The following FAM117B variants were observed in gnomAD, a reference collection of about 807,000 sequenced individuals.
FAM117B encodes the protein family with sequence similarity 117 member B.
In FAM117B, 22 loss-of-function variants were observed where a neutral mutation model predicts 52.8. That is an observed-to-expected ratio of 0.42 (90% CI 0.30 to 0.59). The LOEUF (loss-of-function observed/expected upper bound fraction) is 0.59. Ranked by LOEUF, FAM117B falls within the 20% of genes least tolerant of loss-of-function variation. The probability of loss-of-function intolerance (pLI) is 0.22; values close to 1 mark genes in which losing one functional copy is unlikely to be tolerated. For synonymous variants in FAM117B, 309 were observed against 324.1 expected, an observed-to-expected ratio of 0.95 and a Z score of 0.50; for missense variants, 678 against 802.6, an observed-to-expected ratio of 0.84 and a Z score of 1.88.
chr2:202,733,639 C>G (rs1691393267), intron 4 of FAM117B, among the ~76,000 whole-genome samples: 1 of 152,188 alleles, frequency 6.6e-6, no homozygotes. Flanking sequence ...AAAAATATGG[C>G]TCTATTCTGC....
chr2:202,756,153 A>G (rs1271690341), intron 5 of FAM117B, among the ~76,000 whole-genome samples: 3 of 152,282 alleles, frequency 2.0e-5, no homozygotes, highest in South Asian at 4.1e-4. Flanking sequence ...ACAGTGGCTC[A>G]CACCTGTAAT....
intron 2 of FAM117B, 31 bp downstream of exon 2, chr2:202,696,063 G>A (rs1443953568): frequency 1.3e-6 from 2 of 1,599,968 alleles, no homozygotes; most frequent in Admixed American, 1.7e-5. Flanking sequence ...ATCCTGAAGT[G>A]TTTTTCTCTG....
intron 1 of FAM117B, among the ~76,000 whole-genome samples, chr2:202,640,143 C>T (rs1271776783): frequency 1.3e-5 from 2 of 150,534 alleles, no homozygotes; most frequent in Admixed American, 6.6e-5. Flanking sequence ...TGGTGGCAGG[C>T]GCCTATAATC....
chr2:202,671,473 C>G (rs1336326048), intron 1 of FAM117B, among the ~76,000 whole-genome samples: 3 of 152,206 alleles, frequency 2.0e-5, no homozygotes, highest in Non-Finnish European at 2.9e-5. Context: ...CTCCCAGGCT[C>G]TCTTGCTTGT....
At chr2:202,734,643 G>A (rs180825416) in intron 4 of FAM117B, among the ~76,000 whole-genome samples, 1 of 152,176 alleles carries the variant, frequency 6.6e-6, no homozygotes, top group Non-Finnish European at 1.5e-5. Context: ...AAGTTCCTCA[G>A]TTTCTCTGCA....
At chr2:202,716,214 G>GTTTCCAT (rs1345210257) in intron 2 of FAM117B, among the ~76,000 whole-genome samples, 3 of 151,626 alleles carry the variant, frequency 2.0e-5, no homozygotes, top group Non-Finnish European at 4.4e-5. Flanking sequence ...CTCTTTTTTG[G>GTTTCCAT]TTTCCATTTG....
At chr2:202,709,820 G>A (rs534093559) in intron 2 of FAM117B, among the ~76,000 whole-genome samples, 10 of 152,174 alleles carry the variant, frequency 6.6e-5, no homozygotes, top group African/African-American at 1.9e-4. Context: ...GTTGATTTTT[G>A]TATGGGGTAA....
At chr2:202,736,840 T>C (rs964054963) in intron 4 of FAM117B, among the ~76,000 whole-genome samples, 1 of 152,184 alleles carries the variant, frequency 6.6e-6, no homozygotes, top group African/African-American at 2.4e-5. Context: ...CTCATTTTTC[T>C]CTCATGAAAC....
chr2:202,643,967 C>T (rs1338554254), intron 1 of FAM117B, among the ~76,000 whole-genome samples: 4 of 151,736 alleles, frequency 2.6e-5, no homozygotes, highest in Non-Finnish European at 5.9e-5. Flanking sequence ...GCCTTGGCCT[C>T]CCAAAATGCT....
intron 1 of FAM117B, among the ~76,000 whole-genome samples, chr2:202,648,312 C>G (rs1477376040): frequency 1.3e-5 from 2 of 151,238 alleles, no homozygotes; most frequent in Non-Finnish European, 3.0e-5. Flanking sequence ...AAGTTCGAGA[C>G]CAGCCTGGGC....
chr2:202,759,243 C>A lies in FAM117B; in HGVS notation c.1341C>A (p.Asn447Lys), dbSNP rs763916081. 6.2e-7 allele frequency: 1 copy of A among 1,613,938 alleles called. No individual in the cohort carries two copies. The highest frequency in any genetic ancestry group is 8.5e-7 in the Non-Finnish European group (1 of 1,179,958). ...LVDPRDKENGNNSPLPKYATS... is the reference protein window; with the variant it reads ...LVDPRDKENGKNSPLPKYATS... ...TGTCATTTCTTGCAGAGAATGGGAA[C>A]AATTCTCCTTTGCCCAAATATGCAA... The change falls in exon 7 of 8, where the codon AAC becomes AAA. Residue 447 changes from asparagine to lysine, a missense_variant. Coordinates refer to ENST00000392238, the MANE Select transcript of FAM117B (RefSeq NM_173511.4).
chr2:202,661,160 C>T (rs1690122329), intron 1 of FAM117B, among the ~76,000 whole-genome samples: 1 of 152,182 alleles, frequency 6.6e-6, no homozygotes, highest in Non-Finnish European at 1.5e-5. Context: ...GTTCCCAAAT[C>T]TAGCTGCCAT....
intron 1 of FAM117B, among the ~76,000 whole-genome samples, chr2:202,673,065 G>T (rs952648426): frequency 6.6e-6 from 1 of 152,062 alleles, no homozygotes; most frequent in African/African-American, 2.4e-5. Flanking sequence ...AAACAAAAAG[G>T]ACTTAAAGTA....
chr2:202,662,141 T>C (rs1033649195), intron 1 of FAM117B, among the ~76,000 whole-genome samples: 1 of 151,546 alleles, frequency 6.6e-6, no homozygotes, highest in Non-Finnish European at 1.5e-5. Context: ...TGTGTGTGTA[T>C]GTGTGTATGT....
At chr2:202,679,718 T>C (rs537024285) in intron 1 of FAM117B, among the ~76,000 whole-genome samples, 2 of 152,316 alleles carry the variant, frequency 1.3e-5, no homozygotes, top group South Asian at 4.1e-4. Flanking sequence ...AGGATCAAGT[T>C]GATGAACAGG....
intron 1 of FAM117B, among the ~76,000 whole-genome samples, chr2:202,645,028 T>G (rs977900017): frequency 2.0e-5 from 3 of 152,250 alleles, no homozygotes; most frequent in Non-Finnish European, 4.4e-5. Context: ...GGAAGCTGTG[T>G]TATCTAGTTG....
At chr2:202,649,851 CTTAT>C (rs1184927345) in intron 1 of FAM117B, among the ~76,000 whole-genome samples, 5 of 151,390 alleles carry the variant, frequency 3.3e-5, no homozygotes, top group South Asian at 2.1e-4. Context: ...CCGTGCTCGG[CTTAT>C]TTATTTGTTT....
At chr2:202,745,141 G>A (rs759383500) in intron 4 of FAM117B, among the ~76,000 whole-genome samples, 6 of 151,594 alleles carry the variant, frequency 4.0e-5, no homozygotes, top group East Asian at 3.9e-4. Context: ...TTAACTGGGC[G>A]TGGTGGTGCA....
chr2:202,638,369 A>G (rs77062806), intron 1 of FAM117B, among the ~76,000 whole-genome samples: 1 of 152,124 alleles, frequency 6.6e-6, no homozygotes, highest in Non-Finnish European at 1.5e-5. Flanking sequence ...ACTCAGAGAA[A>G]CACCCTGAGG....
Sources: allele counts gnomAD v4.1 joint callset (sites outside exome capture counted in the v4.1 genomes callset), GRCh38; gene constraint gnomAD v4.1.1; transcripts MANE v1.5; gene names NCBI Gene and HGNC (gene_info 2026-07-23, HGNC 2026-07-21).